Variants in PAPOLA observed in about 807,000 individuals in gnomAD.
PAPOLA encodes the protein polynucleotide adenylyltransferase alpha.
A neutral mutation model predicts 100.6 loss-of-function variants in PAPOLA; 15 were observed. The ratio of observed to expected loss-of-function variants is 0.15; its 90% CI spans 0.10 to 0.23. The LOEUF is 0.23. PAPOLA is among the 10% of genes least tolerant of loss of function. The pLI is 1.00. For synonymous variants in PAPOLA, 293 were observed against 300.0 expected, an observed-to-expected ratio of 0.98 and a Z score of 0.24; for missense variants, 533 against 884.2, an observed-to-expected ratio of 0.60 and a Z score of 5.04.
intron 9 of PAPOLA, chr14:96,533,582 TCTCA>T (rs201504769): frequency 0.12 from 110,495 of 902,206 alleles, 7,425 homozygotes; most frequent in South Asian, 0.17. Context: ...TGAGACGGAG[TCTCA>T]CTCTGTCACC....
At chr14:96,527,307 G>T in intron 4 of PAPOLA, 123 bp from the exon 5 acceptor site, 1 of 620,506 alleles carries the variant, frequency 1.6e-6, no homozygotes, top group South Asian at 2.0e-5. Context: ...GTAAGGGGTG[G>T]AACATTTTTA....
Position 96,566,623 on chromosome 14 carries a change from C to CT in PAPOLA, c.*1577dup, listed in dbSNP as rs1275697133. 2 of 152,516 alleles carry CT rather than the reference C, an allele frequency of 1.3e-5. No individual in the cohort carries two copies. Among genetic ancestry groups the CT allele is most frequent in the Non-Finnish European group, 2.9e-5 (2 of 67,966 alleles). 9.4% of individuals were successfully genotyped at this position (152,516 alleles called of 1,614,324 possible). A position where few individuals can be genotyped will look rare whatever the true frequency, so the allele number is the denominator to read the frequency against. ...TAGGCTATGCATTAATCGAAGCTTT[C>CT]TTTTCACCATGACTTTATAATGTCT... On this transcript the variant is annotated 3_prime_UTR_variant, in exon 22 of 22. Transcript: ENST00000216277.
At chr14:96,514,473 G>A (rs1007217639) in intron 1 of PAPOLA, among the ~76,000 whole-genome samples, 3 of 152,072 alleles carry the variant, frequency 2.0e-5, no homozygotes, top group African/African-American at 7.2e-5. Context: ...GTGCCACCAC[G>A]CCCAGCCTAT....
intron 1 of PAPOLA, among the ~76,000 whole-genome samples, chr14:96,519,343 T>C (rs1215166731): frequency 1.3e-5 from 2 of 152,206 alleles, no homozygotes; most frequent in African/African-American, 4.8e-5. Flanking sequence ...TTTAAAATTA[T>C]TATGTTGACT....
intron 15 of PAPOLA, among the ~76,000 whole-genome samples, chr14:96,546,228 T>C (rs1900385001): frequency 6.6e-6 from 1 of 152,106 alleles, no homozygotes; most frequent in Admixed American, 6.6e-5. Context: ...TTTTTGCCTC[T>C]TCTTTCAGAA....
Position 96,555,394 on chromosome 14 carries a change from G to A in PAPOLA, c.1665-453G>A, listed in dbSNP as rs189268787. On this transcript the variant is annotated intron_variant, in intron 17 of 21. Transcript: ENST00000216277. ...GGCCTCTTATTAATAACTTTTTAAA[G>A]GATTTTTGTTCGAAAAAATCCTTCA... Among the ~76,000 whole-genome samples, 4 of 151,788 alleles carry A rather than the reference G, an allele frequency of 2.6e-5. No homozygotes were observed. The East Asian group carries it at 7.7e-4, about 29-fold the overall frequency.
intron 1 of PAPOLA, among the ~76,000 whole-genome samples, chr14:96,503,712 G>A (rs760224195): frequency 6.6e-6 from 1 of 151,724 alleles, no homozygotes; most frequent in East Asian, 1.9e-4. Context: ...GATTTTTGTG[G>A]TTTCTAGACA....
At chr14:96,552,276 A>G (rs564450985) in intron 16 of PAPOLA, among the ~76,000 whole-genome samples, 1 of 152,206 alleles carries the variant, frequency 6.6e-6, no homozygotes, top group Non-Finnish European at 1.5e-5. Context: ...CATAAGAACT[A>G]TATTTAATGT....
chr14:96,510,419 C>CTT (rs766854463), intron 1 of PAPOLA, among the ~76,000 whole-genome samples: 9 of 125,964 alleles, frequency 7.1e-5, no homozygotes, highest in African/African-American at 2.3e-4. Flanking sequence ...TACAATTTGG[C>CTT]TTTTTTTTTT....
At chr14:96,535,302 CT>C in intron 10 of PAPOLA, 1 of 984,440 alleles carries the variant, frequency 1.0e-6, no homozygotes, top group Non-Finnish European at 1.2e-6. Flanking sequence ...AAGGCATTTA[CT>C]TTTAGAGGAT....
chr14:96,540,049 A>T (rs1595538045), intron 12 of PAPOLA, among the ~76,000 whole-genome samples: 1 of 152,142 alleles, frequency 6.6e-6, no homozygotes, highest in African/African-American at 2.4e-5. Context: ...TGTGTGTAAG[A>T]TATATACAGA....
At chr14:96,533,993 T>G (rs937487370) in intron 9 of PAPOLA, 1 of 986,374 alleles carries the variant, frequency 1.0e-6, no homozygotes, top group African/African-American at 1.7e-5. Context: ...GGAACACATA[T>G]GAAAATGTGG....
rs1323256931 is a variant in PAPOLA at position 96,532,375 on chromosome 14, G to A, written c.652G>A (p.Asp218Asn). 6.2e-7 allele frequency: 1 copy of A among 1,610,222 alleles called. No individual in the cohort carries two copies. Among genetic ancestry groups the A allele is most frequent in the Non-Finnish European group, 8.5e-7 (1 of 1,178,358 alleles). Residue 218 changes from aspartate (D) to asparagine (N), a missense_variant, in exon 8 of 22, where the codon GAC (aspartate) becomes AAC (asparagine). Asp to Asn is a conservative substitution (Grantham distance 23, BLOSUM62 1). This residue lies in a region of PAPOLA where 32 missense variants were observed against 95.0 expected (regional missense o/e 0.34). Coordinates refer to ENST00000216277, the MANE Select transcript of PAPOLA (RefSeq NM_032632.5). ...DEILHLVPNI[D>N]NFRLTLRAIK... The stretch of plus-strand genomic sequence containing the variant: ...AATTTTACATCTAGTACCAAACATT[G>A]ACAACTTCAGGTTAACTCTGAGAGC...
rs373009601 is a variant in PAPOLA at position 96,536,018 on chromosome 14, G to T, written c.1030+19G>T. The T allele has an allele frequency of 4.5e-6, 7 of 1,565,034 alleles. No individual in the cohort carries two copies. The South Asian group carries it at 4.9e-5, about 11-fold the overall frequency. On this transcript the variant is annotated intron_variant, in intron 11 of 21. Coordinates refer to ENST00000216277, the MANE Select transcript of PAPOLA (RefSeq NM_032632.5). ...AAACAAGGTAAGTGTTTATCCTTAT[G>T]CTCTGATTTATACAGGAAGGATTTA...
At chr14:96,556,984 G>A (rs1901393315) in intron 19 of PAPOLA, among the ~76,000 whole-genome samples, 1 of 152,116 alleles carries the variant, frequency 6.6e-6, no homozygotes. Flanking sequence ...CCTGGGCACA[G>A]GCGATCCTTC....
Position 96,527,506 on chromosome 14 carries a change from G to A in PAPOLA, c.408G>A (p.Lys136=). The change falls in exon 5 of 22, where the codon AAG becomes AAA. Residue 136 remains lysine, a synonymous_variant. Transcript: ENST00000216277. The part of the protein sequence containing the change: ...RSDFFTSFYD[K]LKLQEEVKDL... Reference sequence around the variant, plus strand: ...ACTTTTTCACCTCATTCTATGATAAGTTGAAATTACAGGAAGAAGTAAAAG... The same window carrying A: ...ACTTTTTCACCTCATTCTATGATAAATTGAAATTACAGGAAGAAGTAAAAG... 6.2e-7 allele frequency: 1 copy of A among 1,604,744 alleles called. No individual in the cohort carries two copies. The highest frequency in any genetic ancestry group is 1.1e-5 in the South Asian group (1 of 90,852).
intron 14 of PAPOLA, among the ~76,000 whole-genome samples, chr14:96,543,387 GGTTA>G (rs1260385415): frequency 7.2e-5 from 11 of 152,016 alleles, no homozygotes; most frequent in African/African-American, 1.4e-4. Flanking sequence ...TATTTATGTA[GGTTA>G]GTTGTTGATT....
chr14:96,536,956 TTA>T lies in PAPOLA; in HGVS notation c.1031-19_1031-18del. 1 of 1,426,628 alleles carries T rather than the reference TTA, an allele frequency of 7.0e-7. No homozygotes were observed. Among genetic ancestry groups the T allele is most frequent in the Non-Finnish European group, 9.9e-7 (1 of 1,009,600 alleles). The allele number at this position is 1,426,628 out of a possible 1,614,324, so 88.4% of individuals were successfully genotyped here. A position where few individuals can be genotyped will look rare whatever the true frequency, so the allele number is the denominator to read the frequency against. ...TTGTAGACTGAAGTATGCAAACATT[TTA>T]ATATGTTTTTAATTTAGGTCTTGCT... is the stretch of plus-strand genomic sequence containing the variant. On this transcript the variant is annotated intron_variant, in intron 11 of 21. Transcript: ENST00000216277.
intron 20 of PAPOLA, 25 bp from the exon 21 acceptor site, chr14:96,562,794 C>T (rs1428310936): frequency 4.1e-6 from 6 of 1,446,060 alleles, no homozygotes; most frequent in Non-Finnish European, 5.8e-6. Context: ...TCTTTTCCCC[C>T]TTCCCCATCC....
Sources: allele counts gnomAD v4.1 joint callset (sites outside exome capture counted in the v4.1 genomes callset), GRCh38; gene constraint gnomAD v4.1.1; regional missense constraint gnomAD v4.1.1; transcripts MANE v1.5; gene names NCBI Gene and HGNC (gene_info 2026-07-23, HGNC 2026-07-21).